The following EYS variants were observed in gnomAD, a reference collection of about 807,000 sequenced individuals.
EYS encodes the protein EGF-like photoreceptor maintenance factor.
Under a neutral mutation model 282.1 loss-of-function variants are expected in EYS, and 250 were observed. That is an observed-to-expected ratio of 0.89 (90% confidence interval 0.80 to 0.98). The LOEUF (loss-of-function observed/expected upper bound fraction) is 0.98, where lower values mean the gene tolerates loss of function less well. EYS is among the 50% of genes least tolerant of loss of function. EYS has a pLI of 0.00. For synonymous variants in EYS, 1,355 were observed against 1,282.9 expected (o/e 1.06, Z -1.20); for missense variants, 4,016 against 3,709.0 (o/e 1.08, Z -2.15).
At chr6:63,937,358 T>C (rs1231721997) in intron 35 of EYS, among the ~76,000 whole-genome samples, 3 of 43,516 alleles carry the variant, frequency 6.9e-5, no homozygotes, top group Non-Finnish European at 1.3e-4. Context: ...TTTTTTTTTT[T>C]TTTTTTTTTT....
rs1769020764 is a variant in EYS, at chr6:64,296,582, ATACATATATATATATATTTTTTTT to A, written c.6191+10364_6191+10387del. Among the ~76,000 whole-genome samples, 6 of 5,986 alleles carry A rather than the reference ATACATATATATATATATTTTTTTT, an allele frequency of 1.0e-3. No individual in the cohort carries two copies. The East Asian group carries it at 0.014, about 14-fold the overall frequency. 3.9% of individuals were successfully genotyped at this position (5,986 alleles called of 152,430 possible). A position where few individuals can be genotyped will look rare whatever the true frequency, so the allele number is the denominator to read the frequency against. Reference sequence around the variant, plus strand: ...TATATATATATATATATATATATATATACATATATATATATATTTTTTTTTTTTTTTTTTTTTTTTTTGAGACGG... The same window carrying A: ...TATATATATATATATATATATATATATTTTTTTTTTTTTTTTTTGAGACGG... On this transcript the variant is annotated intron_variant, in intron 30 of 42. Transcript: ENST00000503581.
intron 22 of EYS, among the ~76,000 whole-genome samples, chr6:64,781,996 T>C (rs1025065010): frequency 3.9e-5 from 6 of 152,216 alleles, no homozygotes; most frequent in African/African-American, 1.2e-4. Context: ...TTCCTGGCTA[T>C]GCCATTTAAC....
At chr6:64,072,697 G>A (rs1771633598) in intron 32 of EYS, among the ~76,000 whole-genome samples, 1 of 151,864 alleles carries the variant, frequency 6.6e-6, no homozygotes, top group African/African-American at 2.4e-5. Context: ...TGGGGAGGGT[G>A]TTAATGCACT....
intron 12 of EYS, among the ~76,000 whole-genome samples, chr6:65,102,357 A>T (rs1363207512): frequency 6.6e-6 from 1 of 151,350 alleles, no homozygotes; most frequent in African/African-American, 2.4e-5. Context: ...TATTTATTCG[A>T]TGCTAATTTT....
chr6:64,558,679 A>T lies in EYS; in HGVS notation c.5644+31544T>A, dbSNP rs1765308331. Among the ~76,000 whole-genome samples the T allele has an allele frequency of 1.3e-5, 2 of 152,158 alleles. 1 individual carries two copies. Among genetic ancestry groups the T allele is most frequent in the South Asian group, 4.1e-4 (2 of 4,834 alleles). On this transcript the variant is annotated intron_variant, in intron 26 of 42. Coordinates refer to ENST00000503581, the MANE Select transcript of EYS (RefSeq NM_001142800.2). ...CTGAAGAAAAATAAGGAGGCTCTTT[A>T]CAGCAGACATCATGTAATAAACAGT...
chr6:65,530,772 G>T (rs569027197), intron 2 of EYS, among the ~76,000 whole-genome samples: 1 of 152,210 alleles, frequency 6.6e-6, no homozygotes, highest in South Asian at 2.1e-4. Context: ...AATTTGAAAG[G>T]ACATCATGTA....
chr6:65,258,431 G>C (rs557401161), intron 12 of EYS, among the ~76,000 whole-genome samples: 1 of 152,076 alleles, frequency 6.6e-6, no homozygotes, highest in South Asian at 2.1e-4. Flanking sequence ...GTGAAGTTTT[G>C]ATTATTGACG....
At chr6:65,335,560 C>CT (rs1769956893) in intron 10 of EYS, among the ~76,000 whole-genome samples, 1 of 151,786 alleles carries the variant, frequency 6.6e-6, no homozygotes, top group Non-Finnish European at 1.5e-5. Flanking sequence ...CTGTAGTTCA[C>CT]TTTTTTTATG....
At chr6:65,346,216 C>T (rs1302690555) in intron 9 of EYS, among the ~76,000 whole-genome samples, 2 of 151,734 alleles carry the variant, frequency 1.3e-5, no homozygotes, top group Non-Finnish European at 2.9e-5. Flanking sequence ...AGTTTCCAGT[C>T]AGCCTTCTTA....
chr6:64,055,948 C>T (rs530629745), intron 33 of EYS, among the ~76,000 whole-genome samples: 2 of 152,210 alleles, frequency 1.3e-5, no homozygotes, highest in South Asian at 4.1e-4. Flanking sequence ...TAGCCATCAG[C>T]CTCAATCAGT....
At chr6:63,778,571 T>C (rs973351463) in intron 39 of EYS, among the ~76,000 whole-genome samples, 3 of 152,194 alleles carry the variant, frequency 2.0e-5, no homozygotes, top group African/African-American at 4.8e-5. Context: ...CATATTTTCT[T>C]ATATCAAAAT....
intron 31 of EYS, among the ~76,000 whole-genome samples, chr6:64,172,458 G>T (rs186228768): frequency 1.4e-4 from 22 of 152,108 alleles, no homozygotes; most frequent in African/African-American, 5.3e-4. Flanking sequence ...ACGCGTGAGC[G>T]AAATCAACAC....
At chr6:64,462,663 C>CA (rs1262882118) in intron 26 of EYS, among the ~76,000 whole-genome samples, 2 of 151,976 alleles carry the variant, frequency 1.3e-5, no homozygotes, top group Non-Finnish European at 2.9e-5. Flanking sequence ...TCAGATCTCC[C>CA]AAGTCTGTTA....
chr6:64,035,517 G>A (rs1295271156), intron 33 of EYS, among the ~76,000 whole-genome samples: 1 of 152,132 alleles, frequency 6.6e-6, no homozygotes, highest in East Asian at 1.9e-4. Flanking sequence ...CTCCGATGTT[G>A]GTTCTTTGAA....
intron 26 of EYS, among the ~76,000 whole-genome samples, chr6:64,551,115 C>T (rs541398137): frequency 4.9e-4 from 72 of 147,852 alleles, no homozygotes; most frequent in East Asian, 4.1e-3. Context: ...GATATACACA[C>T]GCATATATAC....
chr6:64,024,903 T>C (rs1562158598), intron 33 of EYS, among the ~76,000 whole-genome samples: 1 of 152,166 alleles, frequency 6.6e-6, no homozygotes, highest in Non-Finnish European at 1.5e-5. Context: ...GGCTTCATTC[T>C]TGAAGTCAGT....
chr6:63,938,731 C>A (rs1029795387), intron 35 of EYS, among the ~76,000 whole-genome samples: 1 of 152,036 alleles, frequency 6.6e-6, no homozygotes, highest in Non-Finnish European at 1.5e-5. Flanking sequence ...CAAAATCATA[C>A]CAAAATGAGT....
chr6:63,797,464 C>G (rs181841953), intron 37 of EYS: 1 of 152,170 alleles, frequency 6.6e-6, no homozygotes, highest in Non-Finnish European at 1.5e-5. Context: ...GTTACAGTCT[C>G]TACTTTAGGG....
intron 29 of EYS, among the ~76,000 whole-genome samples, chr6:64,359,821 A>G (rs1771947196): frequency 1.3e-5 from 2 of 151,598 alleles, no homozygotes; most frequent in African/African-American, 4.8e-5. Context: ...TCACTTCCCC[A>G]TTTCCAAATA....
Sources: allele counts gnomAD v4.1 joint callset (sites outside exome capture counted in the v4.1 genomes callset), GRCh38; gene constraint gnomAD v4.1.1; transcripts MANE v1.5; gene names NCBI Gene and HGNC (gene_info 2026-07-23, HGNC 2026-07-21).